The following CNBD1 variants were observed in gnomAD, a reference collection of about 807,000 sequenced individuals.
CNBD1 encodes the protein cyclic nucleotide binding domain containing 1, also known as cyclic nucleotide-binding domain-containing protein 1.
A neutral mutation model predicts 54.4 loss-of-function variants in CNBD1; 71 were observed. The ratio of observed to expected loss-of-function variants is 1.30; its 90% CI spans 1.08 to 1.59. The LOEUF is 1.59. Among genes scored for constraint, CNBD1 ranks in the 40% most tolerant of loss-of-function variants. The probability of loss-of-function intolerance (pLI) is 0.00; values close to 1 mark genes in which losing one functional copy is unlikely to be tolerated. For missense variants in CNBD1, 659 were observed against 518.0 expected, an observed-to-expected ratio of 1.27 and a Z score of -2.64; for synonymous variants, 182 against 170.7, an observed-to-expected ratio of 1.07 and a Z score of -0.51.
intron 10 of CNBD1, among the ~76,000 whole-genome samples, chr8:87,377,258 C>G (rs1810967711): frequency 1.3e-5 from 2 of 151,120 alleles, no homozygotes; most frequent in Admixed American, 1.3e-4. Flanking sequence ...CCCACTAACT[C>G]ATCATCTAGC....
chr8:87,301,435 C>A (rs1808990058), intron 8 of CNBD1, among the ~76,000 whole-genome samples: 1 of 151,848 alleles, frequency 6.6e-6, no homozygotes, highest in African/African-American at 2.4e-5. Context: ...AACACAGATG[C>A]TAAAATCCTT....
At chr8:87,276,575 A>C (rs981851135) in intron 6 of CNBD1, among the ~76,000 whole-genome samples, 1 of 151,892 alleles carries the variant, frequency 6.6e-6, no homozygotes, top group African/African-American at 2.4e-5. Context: ...CAGTTGCTTC[A>C]ATCTATTGAA....
chr8:87,426,932 A>G (rs1808061327), intron 2 of CNBD1, among the ~76,000 whole-genome samples: 1 of 152,192 alleles, frequency 6.6e-6, no homozygotes, highest in East Asian at 1.9e-4. Flanking sequence ...TCCTTTCTCA[A>G]TTAATAATAT....
intron 4 of CNBD1, among the ~76,000 whole-genome samples, chr8:87,027,544 A>G (rs1337330974): frequency 6.6e-6 from 1 of 152,194 alleles, no homozygotes; most frequent in Non-Finnish European, 1.5e-5. Context: ...TGCTGGGATT[A>G]TAGGCATGAG....
intron 6 of CNBD1, among the ~76,000 whole-genome samples, chr8:87,277,622 G>GA (rs1482615573): frequency 6.6e-6 from 1 of 151,634 alleles, no homozygotes; most frequent in Non-Finnish European, 1.5e-5. Flanking sequence ...AAGAGGTCCT[G>GA]AAAAATATGT....
chr8:87,423,003 T>G (rs1807968774), intron 2 of CNBD1, among the ~76,000 whole-genome samples: 1 of 151,914 alleles, frequency 6.6e-6, no homozygotes, highest in African/African-American at 2.4e-5. Context: ...CCTTGTAAGT[T>G]GGATTCCTAG....
intron 1 of CNBD1, among the ~76,000 whole-genome samples, chr8:86,873,445 A>G (rs1374310305): frequency 6.6e-6 from 1 of 151,832 alleles, no homozygotes; most frequent in African/African-American, 2.4e-5. Flanking sequence ...TGGAGAATTG[A>G]CATATTTATA....
chr8:87,306,420 T>A (rs1422967874), intron 8 of CNBD1, among the ~76,000 whole-genome samples: 8 of 152,148 alleles, frequency 5.3e-5, no homozygotes, highest in Admixed American at 5.2e-4. Flanking sequence ...AGAAAATAAG[T>A]TATTATTCGA....
At chr8:87,339,638 G>A (rs1810024795) in intron 8 of CNBD1, among the ~76,000 whole-genome samples, 2 of 151,992 alleles carry the variant, frequency 1.3e-5, no homozygotes, top group African/African-American at 2.4e-5. Context: ...TTAAAGTGAT[G>A]TGCTTTGATT....
intron 5 of CNBD1, among the ~76,000 whole-genome samples, chr8:87,229,555 T>C (rs1216815509): frequency 6.6e-6 from 1 of 152,184 alleles, no homozygotes; most frequent in Admixed American, 6.5e-5. Context: ...ATAATTTGTC[T>C]ATAAATTTTG....
chr8:87,074,087 C>T (rs564133685), intron 4 of CNBD1, among the ~76,000 whole-genome samples: 25 of 137,488 alleles, frequency 1.8e-4, no homozygotes, highest in African/African-American at 5.7e-4. Flanking sequence ...GGTGACAGAG[C>T]GAGACTCCAT....
chr8:86,948,130 A>G (rs1249396205), intron 4 of CNBD1, among the ~76,000 whole-genome samples: 2 of 152,128 alleles, frequency 1.3e-5, no homozygotes, highest in Non-Finnish European at 2.9e-5. Context: ...CATTGTGTAT[A>G]TGTACCACAT....
intron 1 of CNBD1, among the ~76,000 whole-genome samples, chr8:86,885,618 A>G (rs1808671039): frequency 6.6e-6 from 1 of 152,248 alleles, no homozygotes; most frequent in African/African-American, 2.4e-5. Context: ...TTACAAAGTT[A>G]CAATTTCATG....
chr8:87,362,055 C>T (rs1421950900), intron 10 of CNBD1, among the ~76,000 whole-genome samples: 2 of 151,990 alleles, frequency 1.3e-5, no homozygotes, highest in African/African-American at 4.8e-5. Context: ...AGTCCAATGA[C>T]AAACCATGAA....
chr8:87,121,591 G>A (rs1390245568), intron 4 of CNBD1, among the ~76,000 whole-genome samples: 1 of 151,512 alleles, frequency 6.6e-6, no homozygotes, highest in African/African-American at 2.4e-5. Context: ...TTGTCACCCT[G>A]CTATGCAGTA....
At chr8:87,057,253 A>G (rs1810435138) in intron 4 of CNBD1, among the ~76,000 whole-genome samples, 1 of 152,168 alleles carries the variant, frequency 6.6e-6, no homozygotes, top group African/African-American at 2.4e-5. Context: ...GGAAACTTAC[A>G]GTCATGGTGG....
chr8:86,903,714 CAAAT>C (rs150280859), intron 2 of CNBD1, among the ~76,000 whole-genome samples: 138 of 151,946 alleles, frequency 9.1e-4, no homozygotes, highest in African/African-American at 3.1e-3. Context: ...TAAAGTATCT[CAAAT>C]AAAGTATATT....
chr8:87,044,581 C>T (rs1242740534), intron 4 of CNBD1: 1 of 152,226 alleles, frequency 6.6e-6, no homozygotes, highest in East Asian at 1.9e-4. Context: ...CTCCTCTCAT[C>T]TCTGTAGCTG....
chr8:87,331,953 G>C (rs1349189865), intron 8 of CNBD1, among the ~76,000 whole-genome samples: 1 of 152,040 alleles, frequency 6.6e-6, no homozygotes, highest in East Asian at 1.9e-4. Flanking sequence ...TGTAAATTCT[G>C]TATATTAGAC....
Sources: gnomAD v4.1 joint callset for allele counts (sites outside exome capture counted in the v4.1 genomes callset) on GRCh38, gnomAD v4.1.1 for gene constraint, MANE v1.5 for transcripts, NCBI Gene and HGNC (gene_info 2026-07-23, HGNC 2026-07-21) for gene names.